Variants in BCL7C observed in about 807,000 individuals in gnomAD.
The protein encoded by BCL7C is BAF chromatin remodeling complex subunit BCL7C, also known as B-cell CLL/lymphoma 7 protein family member C.
Under a neutral mutation model 26.2 loss-of-function variants are expected in BCL7C, and 8 were observed. The ratio of observed to expected loss-of-function variants is 0.30; its 90% CI spans 0.18 to 0.55. BCL7C has a LOEUF of 0.55. Among genes scored for constraint, BCL7C ranks in the 20% least tolerant of loss-of-function variants. The probability of loss-of-function intolerance (pLI) is 0.93; values close to 1 mark genes in which losing one functional copy is unlikely to be tolerated. For missense variants in BCL7C, 262 were observed against 298.5 expected (o/e 0.88, Z 0.90); for synonymous variants, 90 against 116.5 (o/e 0.77, Z 1.47).
chr16:30,842,588 A>C (rs2054608951), intron 5 of BCL7C, among the ~76,000 whole-genome samples: 1 of 152,204 alleles, frequency 6.6e-6, no homozygotes. Flanking sequence ...TTATTTTTTA[A>C]AACAGAGTCT....
intron 5 of BCL7C, among the ~76,000 whole-genome samples, chr16:30,856,790 A>G (rs1027486934): frequency 2.0e-5 from 3 of 152,174 alleles, no homozygotes; most frequent in African/African-American, 7.2e-5. Flanking sequence ...CAGAGCCACA[A>G]GGTCAGCTAG....
intron 5 of BCL7C, among the ~76,000 whole-genome samples, chr16:30,844,029 G>A (rs565932354): frequency 4.0e-5 from 5 of 123,678 alleles, no homozygotes; most frequent in South Asian, 2.9e-4. Context: ...GCGACAAAGC[G>A]AGACTCTGCC....
At chr16:30,840,983 CA>C (rs1052826108) in intron 5 of BCL7C, among the ~76,000 whole-genome samples, 3 of 152,074 alleles carry the variant, frequency 2.0e-5, no homozygotes, top group Non-Finnish European at 1.5e-5. Flanking sequence ...GGGACACAGC[CA>C]AACCATATCA....
intron 5 of BCL7C, among the ~76,000 whole-genome samples, chr16:30,874,140 T>C (rs971295577): frequency 2.7e-5 from 4 of 150,656 alleles, no homozygotes; most frequent in Non-Finnish European, 5.9e-5. Flanking sequence ...GGATTACAGG[T>C]GTGTGGCACC....
intron 5 of BCL7C, among the ~76,000 whole-genome samples, chr16:30,881,422 ACAC>A (rs892281187): frequency 6.6e-6 from 1 of 151,054 alleles, no homozygotes; most frequent in African/African-American, 2.4e-5. Context: ...ACACACACAC[ACAC>A]AACAAAAAAT....
chr16:30,856,697 T>C (rs930236096), intron 5 of BCL7C, among the ~76,000 whole-genome samples: 3 of 152,168 alleles, frequency 2.0e-5, no homozygotes, highest in African/African-American at 7.2e-5. Flanking sequence ...TCCCAGCTTT[T>C]CCGAGGGGCT....
At chr16:30,847,756 A>T (rs978932476) in intron 5 of BCL7C, among the ~76,000 whole-genome samples, 1 of 152,054 alleles carries the variant, frequency 6.6e-6, no homozygotes, top group Non-Finnish European at 1.5e-5. Context: ...AGATTGTGCC[A>T]TTGCACTCCA....
rs187184431 is a variant in BCL7C, at chr16:30,880,127, A to G, written c.528+8733T>C. ...TATGATCTAAAACAAACAAACAAAA[A>G]AAAACACTTTACCCAGTTACTTGGG... On this transcript the variant is annotated intron_variant, in intron 5 of 5. Coordinates refer to the BCL7C transcript ENST00000380317. Among the ~76,000 whole-genome samples the G allele has an allele frequency of 3.6e-3, 545 of 152,134 alleles. 1 individual carries two copies. The highest frequency in any genetic ancestry group is 5.6e-3 in the Non-Finnish European group (381 of 68,000).
At chr16:30,851,955 C>A in intron 5 of BCL7C, 1 of 171,674 alleles carries the variant, frequency 5.8e-6, no homozygotes, top group South Asian at 1.5e-4. Context: ...TTGGTAAGGT[C>A]ATGAGGCACC....
chr16:30,844,962 C>CTGCA (rs1436149331), intron 5 of BCL7C, among the ~76,000 whole-genome samples: 1 of 152,166 alleles, frequency 6.6e-6, no homozygotes, highest in Non-Finnish European at 1.5e-5. Flanking sequence ...CTTGCTCTTG[C>CTGCA]TGCAGTTTTT....
intron 5 of BCL7C, among the ~76,000 whole-genome samples, chr16:30,849,172 G>C (rs2054654928): frequency 6.6e-6 from 1 of 150,550 alleles, no homozygotes; most frequent in Non-Finnish European, 1.5e-5. Flanking sequence ...GGGGGACAGA[G>C]CAAGACTCCG....
At chr16:30,847,714 T>A (rs1237960398) in intron 5 of BCL7C, among the ~76,000 whole-genome samples, 1 of 151,956 alleles carries the variant, frequency 6.6e-6, no homozygotes. Context: ...GAAAGTCGCT[T>A]GAACCCGGGA....
intron 5 of BCL7C, among the ~76,000 whole-genome samples, chr16:30,839,963 C>G (rs1207120967): frequency 6.6e-6 from 1 of 152,158 alleles, no homozygotes; most frequent in East Asian, 1.9e-4. Flanking sequence ...ACTCTGTCAG[C>G]TGTCTTGCAT....
At chr16:30,889,551 G>A (rs1327416343) in intron 4 of BCL7C, among the ~76,000 whole-genome samples, 11 of 151,990 alleles carry the variant, frequency 7.2e-5, no homozygotes, top group Admixed American at 6.6e-4. Flanking sequence ...GTGCAGTGGC[G>A]CGATCTCGGC....
chr16:30,879,914 C>T (rs1241119015), intron 5 of BCL7C, among the ~76,000 whole-genome samples: 2 of 151,356 alleles, frequency 1.3e-5, no homozygotes, highest in African/African-American at 2.4e-5. Context: ...TGCGTGAACC[C>T]GGGAGGCAGA....
At chr16:30,883,809 G>C (rs566279514), downstream of BCL7C, among the ~76,000 whole-genome samples, 2 of 145,476 alleles carry the variant, frequency 1.4e-5, no homozygotes, top group South Asian at 4.7e-4. Flanking sequence ...GAGCCACCAC[G>C]CCAGGCCCAA....
chr16:30,860,488 C>T (rs889125903), intron 5 of BCL7C, among the ~76,000 whole-genome samples: 1 of 152,162 alleles, frequency 6.6e-6, no homozygotes, highest in African/African-American at 2.4e-5. Flanking sequence ...CCTGTGTTCT[C>T]AAAAACTTAA....
chr16:30,887,978 A>T lies in BCL7C; in HGVS notation c.541T>A (p.Tyr181Asn). 1 of 1,606,462 alleles carries T rather than the reference A, an allele frequency of 6.2e-7. No homozygotes were observed. Among genetic ancestry groups the T allele is most frequent in the South Asian group, 1.1e-5 (1 of 89,888 alleles). Residue 181 changes from tyrosine to asparagine, a missense_variant, in exon 6 of 6, where the codon TAC becomes AAC. Transcript: ENST00000215115. ...ELLEAEAPEA[Y>N]PVFEPVPPVP... ...GGTGGCACTGGCTCAAAGACAGGGT[A>T]AGCTTCGGGGGCCTGGAGAGGAAGG...
intron 5 of BCL7C, among the ~76,000 whole-genome samples, chr16:30,835,936 G>T (rs2054566763): frequency 6.6e-6 from 1 of 151,888 alleles, no homozygotes; most frequent in South Asian, 2.1e-4. Flanking sequence ...AAAGCAGGAT[G>T]ATCTCTTGAA....
Sources: gnomAD v4.1 joint callset for allele counts (sites outside exome capture counted in the v4.1 genomes callset) on GRCh38, gnomAD v4.1.1 for gene constraint, MANE v1.5 for transcripts, NCBI Gene and HGNC (gene_info 2026-07-23, HGNC 2026-07-21) for gene names.